Variants in ATP9B observed in about 807,000 individuals in gnomAD.
The protein encoded by ATP9B is probable phospholipid-transporting ATPase IIB.
ATP9B carries 110 observed loss-of-function variants against 146.1 expected under a neutral mutation model. The ratio of observed to expected loss-of-function variants is 0.75; its 90% CI spans 0.65 to 0.88. The LOEUF (loss-of-function observed/expected upper bound fraction) is 0.88. Ranked by LOEUF, ATP9B falls within the 40% of genes least tolerant of loss-of-function variation. The probability of loss-of-function intolerance (pLI) is 0.00; values close to 1 mark genes in which losing one functional copy is unlikely to be tolerated. For missense variants in ATP9B, 1,499 were observed against 1,496.4 expected (o/e 1.00, Z -0.03); for synonymous variants, 604 against 569.7 (o/e 1.06, Z -0.86).
chr18:79,249,032 T>C (rs1436879924), intron 11 of ATP9B, among the ~76,000 whole-genome samples: 8 of 151,860 alleles, frequency 5.3e-5, no homozygotes, highest in Non-Finnish European at 1.0e-4. Context: ...GAAGTGTTGC[T>C]GTGTCATGGA....
intron 12 of ATP9B, chr18:79,254,577 C>G (rs1025848324): frequency 6.6e-6 from 1 of 152,322 alleles, no homozygotes; most frequent in Non-Finnish European, 1.5e-5. Flanking sequence ...GAGCACGCAG[C>G]AAATAGCAAC....
intron 11 of ATP9B, among the ~76,000 whole-genome samples, chr18:79,225,283 A>T (rs1452160472): frequency 6.6e-6 from 1 of 152,248 alleles, no homozygotes; most frequent in African/African-American, 2.4e-5. Flanking sequence ...CATTAACTAA[A>T]ACATGTATAT....
Position 79,206,942 on chromosome 18 carries a change from C to A in ATP9B, c.960C>A (p.Asp320Glu). ...HSFEGTFTREDSDPPIHESLS... is the reference protein window; with the variant it reads ...HSFEGTFTREESDPPIHESLS... Reference sequence around the variant, plus strand: ...CTTTTTGTCTCCCTGCACAGGAAGACAGTGACCCGCCCATTCATGAAAGTC... The same window carrying A: ...CTTTTTGTCTCCCTGCACAGGAAGAAAGTGACCCGCCCATTCATGAAAGTC... Residue 320 changes from aspartate to glutamate, a missense_variant, in exon 10 of 30, where the codon GAC becomes GAA. Coordinates refer to ENST00000426216, the MANE Select transcript of ATP9B (RefSeq NM_198531.5). The A allele has an allele frequency of 6.2e-7, 1 of 1,613,940 alleles. No individual in the cohort carries two copies. The highest frequency in any genetic ancestry group is 8.5e-7 in the Non-Finnish European group (1 of 1,179,882).
At chr18:79,096,387 C>G in intron 1 of ATP9B, 89 bp from the exon 2 acceptor site, 1 of 1,244,114 alleles carries the variant, frequency 8.0e-7, no homozygotes, top group South Asian at 1.4e-5. Context: ...TGAAGACAGC[C>G]TAATTTGAGG....
chr18:79,294,686 T>C (rs2096535006), intron 13 of ATP9B, among the ~76,000 whole-genome samples: 3 of 152,230 alleles, frequency 2.0e-5, no homozygotes, highest in Non-Finnish European at 4.4e-5. Flanking sequence ...GACTTCTGTT[T>C]AACATGGAGG....
At chr18:79,120,382 C>G (rs1306858522) in intron 4 of ATP9B, among the ~76,000 whole-genome samples, 1 of 152,186 alleles carries the variant, frequency 6.6e-6, no homozygotes, top group Non-Finnish European at 1.5e-5. Flanking sequence ...TTCAAACTTA[C>G]TCCCTCTGTT....
chr18:79,323,659 A>C (rs939586563), intron 15 of ATP9B, among the ~76,000 whole-genome samples: 1 of 152,230 alleles, frequency 6.6e-6, no homozygotes, highest in Admixed American at 6.5e-5. Flanking sequence ...GTGATGGCTG[A>C]ATAATACTCC....
chr18:79,082,014 T>C (rs2073320059), intron 1 of ATP9B, among the ~76,000 whole-genome samples: 1 of 152,202 alleles, frequency 6.6e-6, no homozygotes, highest in Admixed American at 6.5e-5. Context: ...TCCAACTTGG[T>C]TCCATTCTCC....
intron 6 of ATP9B, among the ~76,000 whole-genome samples, chr18:79,151,943 A>T (rs1241150735): frequency 6.6e-6 from 1 of 152,242 alleles, no homozygotes; most frequent in East Asian, 1.9e-4. Context: ...ACAGAGGGCC[A>T]ATATCCAGAA....
chr18:79,188,419 G>T (rs901580203), intron 8 of ATP9B, among the ~76,000 whole-genome samples: 1 of 152,166 alleles, frequency 6.6e-6, no homozygotes, highest in Non-Finnish European at 1.5e-5. Context: ...TGTAATCCTT[G>T]TTAGAAGTTA....
At chr18:79,242,835 A>C (rs150104568) in intron 11 of ATP9B, among the ~76,000 whole-genome samples, 1 of 152,364 alleles carries the variant, frequency 6.6e-6, no homozygotes, top group Non-Finnish European at 1.5e-5. Context: ...ATGGTTTAAA[A>C]TAATGTTGCA....
chr18:79,083,712 C>G (rs933621526), intron 1 of ATP9B, among the ~76,000 whole-genome samples: 1 of 152,162 alleles, frequency 6.6e-6, no homozygotes, highest in East Asian at 1.9e-4. Context: ...CCCCACTTTG[C>G]TTCAGCTTGC....
At chr18:79,256,286 T>TATACACACACAC (rs398033647) in intron 12 of ATP9B, among the ~76,000 whole-genome samples, 5 of 123,068 alleles carry the variant, frequency 4.1e-5, no homozygotes, top group Admixed American at 8.1e-5. Context: ...TATATATATA[T>TATACACACACAC]ACATACATAG....
At chr18:79,165,029 G>A (rs757970610) in intron 7 of ATP9B, among the ~76,000 whole-genome samples, 2 of 152,130 alleles carry the variant, frequency 1.3e-5, no homozygotes, top group African/African-American at 2.4e-5. Flanking sequence ...CTACTTTAAT[G>A]ATTTCTCCAA....
intron 15 of ATP9B, 31 bp downstream of exon 15, chr18:79,307,265 G>A (rs549153951): frequency 6.2e-7 from 1 of 1,613,166 alleles, no homozygotes; most frequent in Non-Finnish European, 8.5e-7. Context: ...GTGGGAGCTT[G>A]TCCGTTCCAT....
intron 9 of ATP9B, among the ~76,000 whole-genome samples, chr18:79,193,691 ATAT>A (rs1258283962): frequency 6.6e-6 from 1 of 152,138 alleles, no homozygotes; most frequent in Non-Finnish European, 1.5e-5. Context: ...CACACACTTT[ATAT>A]TATTACAGAG....
chr18:79,338,938 C>G (rs942931475), intron 19 of ATP9B, among the ~76,000 whole-genome samples: 1 of 152,228 alleles, frequency 6.6e-6, no homozygotes, highest in African/African-American at 2.4e-5. Flanking sequence ...TTAAAAAATA[C>G]ATCCCACAAG....
intron 12 of ATP9B, among the ~76,000 whole-genome samples, chr18:79,269,982 C>T (rs1001548244): frequency 2.0e-5 from 3 of 152,220 alleles, no homozygotes; most frequent in African/African-American, 7.2e-5. Flanking sequence ...ATCCTCCTTG[C>T]GGCCTTTAGC....
intron 11 of ATP9B, among the ~76,000 whole-genome samples, chr18:79,222,585 A>T (rs555710660): frequency 6.6e-6 from 1 of 152,334 alleles, no homozygotes; most frequent in South Asian, 2.1e-4. Context: ...TGTTTTATCC[A>T]GACATGAAGA....
Sources: gnomAD v4.1 joint callset for allele counts (sites outside exome capture counted in the v4.1 genomes callset) on GRCh38, gnomAD v4.1.1 for gene constraint, MANE v1.5 for transcripts, NCBI Gene and HGNC (gene_info 2026-07-23, HGNC 2026-07-21) for gene names.